Variants in GIMD1 observed in about 807,000 individuals in gnomAD.
GIMD1 encodes the protein GIMAP family P-loop NTPase domain containing 1, also known as GTPase IMAP family member GIMD1.
GIMD1 carries 14 observed loss-of-function variants against 14.9 expected under a neutral mutation model. The ratio of observed to expected loss-of-function variants is 0.94; its 90% CI spans 0.62 to 1.47. The LOEUF (loss-of-function observed/expected upper bound fraction) is 1.47. GIMD1 is among the 40% of genes most tolerant of loss of function. The pLI is 0.00. For missense variants in GIMD1, 272 were observed against 255.3 expected, an observed-to-expected ratio of 1.07 and a Z score of -0.44; for synonymous variants, 91 against 90.5, an observed-to-expected ratio of 1.01 and a Z score of -0.03.
chr4:106,363,811 G>T (rs935996642), intron 2 of GIMD1, among the ~76,000 whole-genome samples: 1 of 147,418 alleles, frequency 6.8e-6, no homozygotes, highest in Admixed American at 6.9e-5. Flanking sequence ...TCAACAGCTC[G>T]GTTGTTGATG....
intron 2 of GIMD1, among the ~76,000 whole-genome samples, chr4:106,361,983 A>T (rs572733450): frequency 3.9e-5 from 6 of 152,172 alleles, no homozygotes; most frequent in Admixed American, 3.9e-4. Flanking sequence ...GTTTTTCTGT[A>T]TTGTAACATT....
chr4:106,366,569 G>A (rs996257704), intron 2 of GIMD1, among the ~76,000 whole-genome samples: 2 of 152,266 alleles, frequency 1.3e-5, no homozygotes, highest in East Asian at 1.9e-4. Context: ...CGACCTGACT[G>A]TTTTTGAGAA....
intron 1 of GIMD1, among the ~76,000 whole-genome samples, 173 bp downstream of exon 1, chr4:106,368,537 A>G (rs1770742140): frequency 6.6e-6 from 1 of 152,188 alleles, no homozygotes; most frequent in Admixed American, 6.5e-5. Flanking sequence ...TCATACCTCC[A>G]TAAAAAGACA....
chr4:106,359,827 G>A (rs548815258), intron 2 of GIMD1, among the ~76,000 whole-genome samples: 4 of 151,890 alleles, frequency 2.6e-5, no homozygotes, highest in South Asian at 2.1e-4. Context: ...GAAAATACTC[G>A]TGAGAACTAC....
intron 2 of GIMD1, among the ~76,000 whole-genome samples, chr4:106,366,014 G>C (rs1770694410): frequency 6.6e-6 from 1 of 151,742 alleles, no homozygotes; most frequent in Non-Finnish European, 1.5e-5. Flanking sequence ...CTCTTATCCA[G>C]CTCCTCTCCT....
rs957175690 is a variant in GIMD1 at position 106,357,439 on chromosome 4, G to A, written c.*744C>T. ...TATTTTTAACTTTTATTTAAATATA[G>A]CATATACAAGTAGTTTATAAATCAC... On this transcript the variant is annotated 3_prime_UTR_variant, in exon 3 of 3. Transcript: ENST00000638719. The A allele has an allele frequency of 3.3e-5, 5 of 151,996 alleles. No individual in the cohort carries two copies. Among genetic ancestry groups the A allele is most frequent in the Non-Finnish European group, 5.9e-5 (4 of 67,984 alleles). 9.4% of individuals were successfully genotyped at this position (151,996 alleles called of 1,614,324 possible).
chr4:106,365,678 T>C (rs560790557), intron 2 of GIMD1, among the ~76,000 whole-genome samples: 25 of 152,256 alleles, frequency 1.6e-4, no homozygotes, highest in Non-Finnish European at 2.4e-4. Flanking sequence ...CAGTGACTCA[T>C]TGAGGCTCTT....
chr4:106,367,514 G>A, intron 1 of GIMD1, 77 bp from the exon 2 acceptor site: 1 of 1,337,716 alleles, frequency 7.5e-7, no homozygotes, highest in Non-Finnish European at 9.9e-7. Flanking sequence ...ACCTGGCCTG[G>A]TTGCACTCCA....
At chr4:106,359,030 T>C (rs945619227) in intron 2 of GIMD1, among the ~76,000 whole-genome samples, 1 of 151,972 alleles carries the variant, frequency 6.6e-6, no homozygotes, top group African/African-American at 2.4e-5. Context: ...ATGCTTAGAA[T>C]GGAACCCAAT....
intron 2 of GIMD1, among the ~76,000 whole-genome samples, chr4:106,365,807 C>T (rs896761718): frequency 2.7e-5 from 4 of 150,264 alleles, no homozygotes; most frequent in African/African-American, 1.0e-4. Context: ...GGAATAGTTT[C>T]CAGGAATTGT....
At chr4:106,368,398 C>T (rs548069812) in intron 1 of GIMD1, among the ~76,000 whole-genome samples, 1 of 152,268 alleles carries the variant, frequency 6.6e-6, no homozygotes, top group South Asian at 2.1e-4. Context: ...TTTAATATTG[C>T]ATATTTATTA....
chr4:106,358,042 T>G lies in GIMD1; in HGVS notation c.*141A>C. ...TTGATGTTCTTTTTAACTTCTAGTT[T>G]TCCAAAGTGGTTATACCAATGTACA... On this transcript the variant is annotated 3_prime_UTR_variant, in exon 3 of 3. Coordinates refer to ENST00000638719, the MANE Select transcript of GIMD1 (RefSeq NM_001195138.2). 1 of 568,898 alleles carries G rather than the reference T, an allele frequency of 1.8e-6. No individual in the cohort carries two copies. The highest frequency in any genetic ancestry group is 3.0e-6 in the Non-Finnish European group (1 of 334,422). 35.2% of individuals were successfully genotyped at this position (568,898 alleles called of 1,614,324 possible).
chr4:106,358,725 T>C (rs1770571797), intron 2 of GIMD1, among the ~76,000 whole-genome samples: 1 of 151,932 alleles, frequency 6.6e-6, no homozygotes, highest in Non-Finnish European at 1.5e-5. Context: ...CTGCATATTA[T>C]CATTGCTGCA....
intron 2 of GIMD1, among the ~76,000 whole-genome samples, chr4:106,364,256 T>C (rs1385600797): frequency 1.3e-5 from 2 of 151,984 alleles, no homozygotes; most frequent in African/African-American, 2.4e-5. Context: ...CCGGGAGGCA[T>C]GGGAAAGAAG....
At chr4:106,361,892 C>T (rs910838809) in intron 2 of GIMD1, among the ~76,000 whole-genome samples, 14 of 152,074 alleles carry the variant, frequency 9.2e-5, no homozygotes, top group African/African-American at 2.9e-4. Flanking sequence ...AGTTATATAT[C>T]GTAACACAGA....
chr4:106,368,606 A>G (rs1390891705), intron 1 of GIMD1, 104 bp downstream of exon 1: 8 of 393,998 alleles, frequency 2.0e-5, no homozygotes, highest in African/African-American at 1.0e-4. Context: ...AGTGGTGTCA[A>G]CTGCAGTGAG....
chr4:106,358,095 T>G lies in GIMD1; in HGVS notation c.*88A>C. The G allele has an allele frequency of 1.1e-6, 1 of 870,854 alleles. No homozygotes were observed. Among genetic ancestry groups the G allele is most frequent in the Admixed American group, 3.1e-5 (1 of 32,548 alleles). The allele number at this position is 870,854 out of a possible 1,614,324, so 53.9% of individuals were successfully genotyped here. The stretch of plus-strand genomic sequence containing the variant: ...CTCACCAGCAGCATATCAGAATACT[T>G]ATGGTCCACATTCATGTCAATAAAG... On this transcript the variant is annotated 3_prime_UTR_variant, in exon 3 of 3. Transcript: ENST00000638719.
intron 2 of GIMD1, among the ~76,000 whole-genome samples, chr4:106,365,898 G>C (rs1361815697): frequency 6.6e-6 from 1 of 150,626 alleles, no homozygotes. Flanking sequence ...GTTAGTAATA[G>C]TCCACACATC....
chr4:106,363,582 A>G (rs1394239513), intron 2 of GIMD1, among the ~76,000 whole-genome samples: 2 of 152,146 alleles, frequency 1.3e-5, no homozygotes, highest in African/African-American at 4.8e-5. Flanking sequence ...ATTAAATATA[A>G]TGCTCAGAAC....
Sources: allele counts gnomAD v4.1 joint callset (sites outside exome capture counted in the v4.1 genomes callset), GRCh38; gene constraint gnomAD v4.1.1; transcripts MANE v1.5; gene names NCBI Gene and HGNC (gene_info 2026-07-23, HGNC 2026-07-21).